NKAIN3: variants seen among roughly 807,000 people sequenced by gnomAD.
NKAIN3 encodes the protein sodium/potassium-transporting ATPase subunit beta-1-interacting protein 3.
In NKAIN3, 25 loss-of-function variants were observed where a neutral mutation model predicts 30.2. That is an observed-to-expected ratio of 0.83 (90% CI 0.60 to 1.16). The LOEUF (loss-of-function observed/expected upper bound fraction) is 1.16, where lower values mean the gene tolerates loss of function less well. NKAIN3 is among the 50% of genes most tolerant of loss of function. The pLI is 0.00. For missense variants in NKAIN3, 225 were observed against 254.1 expected, an observed-to-expected ratio of 0.89 and a Z score of 0.78; for synonymous variants, 91 against 89.6, an observed-to-expected ratio of 1.02 and a Z score of -0.09.
At chr8:62,580,901 GGT>G (rs1491107784) in intron 2 of NKAIN3, among the ~76,000 whole-genome samples, 4 of 66,498 alleles carry the variant, frequency 6.0e-5, no homozygotes, top group Non-Finnish European at 1.7e-4. Context: ...GAGCAGCTAG[GGT>G]TTTTATATAT....
intron 6 of NKAIN3, among the ~76,000 whole-genome samples, chr8:62,959,468 G>GTGTGTGTA (rs1823509234): frequency 6.7e-6 from 1 of 150,072 alleles, no homozygotes; most frequent in Non-Finnish European, 1.5e-5. Flanking sequence ...GTGTGTGTGT[G>GTGTGTGTA]TAGGAGTTGG....
chr8:62,927,126 C>G (rs780162662), intron 5 of NKAIN3, among the ~76,000 whole-genome samples: 11 of 152,194 alleles, frequency 7.2e-5, no homozygotes, highest in Non-Finnish European at 1.3e-4. Context: ...CTCCTTCCCT[C>G]CACATCCCAG....
At chr8:62,900,057 T>C (rs910033850) in intron 4 of NKAIN3, among the ~76,000 whole-genome samples, 1 of 150,044 alleles carries the variant, frequency 6.7e-6, no homozygotes, top group Admixed American at 6.7e-5. Context: ...AGAAAATGGG[T>C]ACCATTCATG....
chr8:62,634,168 G>A (rs1419369173), intron 3 of NKAIN3, among the ~76,000 whole-genome samples: 1 of 151,828 alleles, frequency 6.6e-6, no homozygotes, highest in African/African-American at 2.4e-5. Context: ...TGTCTTATCT[G>A]AGGTTTTTTT....
chr8:62,777,467 A>G (rs750098929), intron 4 of NKAIN3, among the ~76,000 whole-genome samples: 2 of 152,094 alleles, frequency 1.3e-5, no homozygotes, highest in Non-Finnish European at 2.9e-5. Flanking sequence ...TGCTTTATCA[A>G]TTCTGCAAGT....
chr8:62,863,774 G>A, intron 4 of NKAIN3: 2 of 1,611,096 alleles, frequency 1.2e-6, no homozygotes, highest in Non-Finnish European at 1.7e-6. Flanking sequence ...CAGCCAGACA[G>A]TAGAGAAGTG....
intron 3 of NKAIN3, among the ~76,000 whole-genome samples, chr8:62,723,953 C>T (rs1444729919): frequency 6.6e-6 from 1 of 152,128 alleles, no homozygotes; most frequent in East Asian, 1.9e-4. Context: ...ACTGTGTTTT[C>T]TCTGCATTCC....
chr8:62,921,731 T>C (rs1194327066), intron 5 of NKAIN3, among the ~76,000 whole-genome samples: 1 of 152,176 alleles, frequency 6.6e-6, no homozygotes, highest in East Asian at 1.9e-4. Context: ...TATATCAATC[T>C]CCATGAACAC....
At chr8:62,947,804 C>A (rs556332348) in intron 5 of NKAIN3, among the ~76,000 whole-genome samples, 1 of 152,360 alleles carries the variant, frequency 6.6e-6, no homozygotes, top group East Asian at 1.9e-4. Context: ...GCTAAGCAAA[C>A]AGCCAACAGC....
chr8:62,343,103 C>G (rs1815805157), intron 1 of NKAIN3, among the ~76,000 whole-genome samples: 1 of 151,900 alleles, frequency 6.6e-6, no homozygotes, highest in South Asian at 2.1e-4. Context: ...ATTTATTAAT[C>G]CTTCAGAAAT....
intron 1 of NKAIN3, among the ~76,000 whole-genome samples, chr8:62,298,237 G>T (rs902122726): frequency 6.6e-6 from 1 of 151,926 alleles, no homozygotes; most frequent in African/African-American, 2.4e-5. Flanking sequence ...ACGAGTTAAT[G>T]GGTGCAGCAC....
chr8:62,469,988 C>T (rs925211286), intron 1 of NKAIN3, among the ~76,000 whole-genome samples: 2 of 152,194 alleles, frequency 1.3e-5, no homozygotes, highest in African/African-American at 2.4e-5. Context: ...GTATGCTTTG[C>T]AGCTCTCCCA....
chr8:62,487,049 A>G (rs1315257951), intron 1 of NKAIN3, among the ~76,000 whole-genome samples: 1 of 152,200 alleles, frequency 6.6e-6, no homozygotes, highest in African/African-American at 2.4e-5. Flanking sequence ...GGGGCCATGC[A>G]CTGAAATGCC....
intron 1 of NKAIN3, among the ~76,000 whole-genome samples, chr8:62,428,902 C>A (rs927761299): frequency 7.9e-5 from 12 of 151,762 alleles, no homozygotes; most frequent in African/African-American, 2.9e-4. Flanking sequence ...AAATATTTGC[C>A]CAAATCAATG....
At chr8:62,359,530 G>T (rs886076808) in intron 1 of NKAIN3, among the ~76,000 whole-genome samples, 4 of 152,208 alleles carry the variant, frequency 2.6e-5, no homozygotes, top group African/African-American at 9.6e-5. Flanking sequence ...CCTCGCTTTG[G>T]TCCAAGGGAA....
chr8:62,755,062 T>C (rs183437475), intron 4 of NKAIN3, among the ~76,000 whole-genome samples: 1 of 152,382 alleles, frequency 6.6e-6, no homozygotes, highest in Admixed American at 6.5e-5. Flanking sequence ...CTCTTGGAGC[T>C]GATCTCTGTG....
intron 1 of NKAIN3, among the ~76,000 whole-genome samples, chr8:62,410,273 T>C (rs1021718863): frequency 2.0e-5 from 3 of 152,246 alleles, no homozygotes; most frequent in African/African-American, 7.2e-5. Flanking sequence ...CACATGCTGC[T>C]GCAAATGACA....
chr8:62,816,157 C>T (rs1260945627), intron 4 of NKAIN3, among the ~76,000 whole-genome samples: 1 of 152,100 alleles, frequency 6.6e-6, no homozygotes, highest in Non-Finnish European at 1.5e-5. Context: ...TCACTTCTTC[C>T]AACTTTATGG....
intron 1 of NKAIN3, among the ~76,000 whole-genome samples, chr8:62,498,277 G>A (rs992169788): frequency 1.3e-5 from 2 of 152,080 alleles, no homozygotes; most frequent in African/African-American, 4.8e-5. Flanking sequence ...ATAATACTTA[G>A]TTTCTGGTTT....
Sources: allele counts gnomAD v4.1 joint callset (sites outside exome capture counted in the v4.1 genomes callset), GRCh38; gene constraint gnomAD v4.1.1; transcripts MANE v1.5; gene names NCBI Gene and HGNC (gene_info 2026-07-23, HGNC 2026-07-21).